Variants in TRPM3 observed in about 807,000 individuals in gnomAD.
TRPM3 encodes the protein long transient receptor potential channel 3.
TRPM3 carries 77 observed loss-of-function variants against 181.2 expected under a neutral mutation model. The ratio of observed to expected loss-of-function variants is 0.42; its 90% CI spans 0.35 to 0.51. The LOEUF (loss-of-function observed/expected upper bound fraction) is 0.51, where lower values mean the gene tolerates loss of function less well. Among genes scored for constraint, TRPM3 ranks in the 20% least tolerant of loss-of-function variants. TRPM3 has a pLI of 0.01. For missense variants in TRPM3, 1,759 were observed against 2,196.7 expected, an observed-to-expected ratio of 0.80 and a Z score of 3.98; for synonymous variants, 745 against 796.4, an observed-to-expected ratio of 0.94 and a Z score of 1.09.
intron 1 of TRPM3, among the ~76,000 whole-genome samples, chr9:70,990,305 C>A (rs1007901692): frequency 9.9e-5 from 15 of 152,232 alleles, no homozygotes; most frequent in Admixed American, 2.6e-4. Flanking sequence ...CATCTAAAAC[C>A]AGTAACTGAG....
chr9:71,351,097 AG>A (rs2132665501), intron 1 of TRPM3, among the ~76,000 whole-genome samples: 1 of 152,338 alleles, frequency 6.6e-6, no homozygotes, highest in African/African-American at 2.4e-5. Flanking sequence ...TCCTTTTTAA[AG>A]GTGAACCTGA....
chr9:70,906,432 C>G (rs1334483781), intron 1 of TRPM3, among the ~76,000 whole-genome samples: 1 of 152,156 alleles, frequency 6.6e-6, no homozygotes, highest in Non-Finnish European at 1.5e-5. Flanking sequence ...GCAGATAGGG[C>G]TGGTGACCTC....
intron 1 of TRPM3, among the ~76,000 whole-genome samples, chr9:71,317,482 A>T (rs1318534316): frequency 6.6e-6 from 1 of 152,084 alleles, no homozygotes; most frequent in African/African-American, 2.4e-5. Context: ...CTCTATAAGA[A>T]CTACAAAAAT....
At chr9:71,355,527 G>A (rs2132693098) in intron 1 of TRPM3, among the ~76,000 whole-genome samples, 1 of 152,300 alleles carries the variant, frequency 6.6e-6, no homozygotes, top group Non-Finnish European at 1.5e-5. Flanking sequence ...CAGACTTGAA[G>A]TCCAGATCTG....
chr9:71,266,598 CTTATTT>C (rs907340901), intron 1 of TRPM3, among the ~76,000 whole-genome samples: 1 of 151,960 alleles, frequency 6.6e-6, no homozygotes, highest in African/African-American at 2.4e-5. Flanking sequence ...GTGTTTTTAT[CTTATTT>C]TTATTTTATT....
At chr9:71,349,431 C>T (rs1435826505) in intron 1 of TRPM3, among the ~76,000 whole-genome samples, 2 of 152,184 alleles carry the variant, frequency 1.3e-5, no homozygotes. Context: ...GATTAAGACT[C>T]ACAGAGCAAT....
chr9:70,946,848 C>T (rs559144317), intron 1 of TRPM3, among the ~76,000 whole-genome samples: 116 of 152,178 alleles, frequency 7.6e-4, no homozygotes, highest in African/African-American at 2.7e-3. Flanking sequence ...TAATCTATTG[C>T]GTCTTGCCTC....
At chr9:71,327,148 C>A (rs1335720001) in intron 1 of TRPM3, among the ~76,000 whole-genome samples, 1 of 152,180 alleles carries the variant, frequency 6.6e-6, no homozygotes, top group South Asian at 2.1e-4. Flanking sequence ...CCTTGGACCA[C>A]GGCATCTGCC....
intron 12 of TRPM3, among the ~76,000 whole-genome samples, chr9:70,627,934 G>T (rs1299556200): frequency 6.6e-6 from 1 of 152,094 alleles, no homozygotes; most frequent in Non-Finnish European, 1.5e-5. Context: ...GGCTAAAAAA[G>T]ACCAATTGTC....
At chr9:71,142,274 T>C (rs1030996055) in intron 1 of TRPM3, among the ~76,000 whole-genome samples, 7 of 152,140 alleles carry the variant, frequency 4.6e-5, no homozygotes, top group African/African-American at 1.7e-4. Flanking sequence ...TTGCATGTGG[T>C]GGCCACTCTC....
At chr9:70,938,897 G>T (rs900575409) in intron 1 of TRPM3, among the ~76,000 whole-genome samples, 2 of 151,664 alleles carry the variant, frequency 1.3e-5, no homozygotes, top group Admixed American at 6.6e-5. Flanking sequence ...GGCAGAGCTT[G>T]CAGTGAGCCA....
At position 71,196,851 on chromosome 9, in the gene TRPM3, T is replaced by C. The variant is rs148705198; in HGVS notation, c.183+249802A>G. 7.2e-3 allele frequency among the ~76,000 whole-genome samples: 1,067 copies of C among 148,506 alleles called. 17 individuals are homozygous for C. Among genetic ancestry groups the C allele is most frequent in the African/African-American group, 0.025 (1,011 of 40,748 alleles). ...GTTTGCTCTAAAGCAGGATGGAGTA[T>C]AAATTGGGCCTTTCTTTTTATTTTA... On this transcript the variant is annotated intron_variant, in intron 1 of 24. Transcript: ENST00000357533.
chr9:70,782,968 G>A (rs1415429403), intron 7 of TRPM3, among the ~76,000 whole-genome samples: 2 of 151,998 alleles, frequency 1.3e-5, no homozygotes, highest in African/African-American at 2.4e-5. Context: ...AGGGAGAGAC[G>A]GGATGGTACT....
At chr9:70,683,428 C>CTTTATTTTTTTT (rs2065964646) in intron 8 of TRPM3, among the ~76,000 whole-genome samples, 1 of 57,458 alleles carries the variant, frequency 1.7e-5, no homozygotes, top group African/African-American at 6.4e-5. Context: ...TCTCTCTCTC[C>CTTTATTTTTTTT]TTTTTTTTTT....
At chr9:71,250,098 T>G (rs2082257576) in intron 1 of TRPM3, among the ~76,000 whole-genome samples, 1 of 152,130 alleles carries the variant, frequency 6.6e-6, no homozygotes, top group South Asian at 2.1e-4. Flanking sequence ...CATGACAGAC[T>G]CATAAGGAAT....
intron 9 of TRPM3, among the ~76,000 whole-genome samples, chr9:70,671,803 T>C (rs2134082949): frequency 6.6e-6 from 1 of 152,282 alleles, no homozygotes; most frequent in South Asian, 2.1e-4. Flanking sequence ...CTCACTCTGT[T>C]GCCCAGGCTG....
intron 1 of TRPM3, among the ~76,000 whole-genome samples, chr9:71,253,390 G>C (rs747913111): frequency 6.6e-6 from 1 of 152,116 alleles, no homozygotes; most frequent in Non-Finnish European, 1.5e-5. Context: ...TTTAGTTGTT[G>C]CAAGTGGGCA....
chr9:71,178,351 G>A (rs2077220479), intron 1 of TRPM3, among the ~76,000 whole-genome samples: 1 of 151,874 alleles, frequency 6.6e-6, no homozygotes, highest in African/African-American at 2.4e-5. Flanking sequence ...TCTGAATAGA[G>A]TAAGTAATAC....
chr9:71,231,852 C>A (rs981421605), intron 1 of TRPM3, among the ~76,000 whole-genome samples: 1 of 152,128 alleles, frequency 6.6e-6, no homozygotes, highest in Non-Finnish European at 1.5e-5. Context: ...CTGAGTGATG[C>A]GATCATTCAT....
Sources: allele counts gnomAD v4.1 joint callset (sites outside exome capture counted in the v4.1 genomes callset), GRCh38; gene constraint gnomAD v4.1.1; transcripts MANE v1.5; gene names NCBI Gene and HGNC (gene_info 2026-07-23, HGNC 2026-07-21).